The following STAG1 variants were observed in gnomAD, a reference collection of about 807,000 sequenced individuals.
STAG1 encodes STAG1 cohesin complex component.
STAG1 carries 26 observed loss-of-function variants against 170.9 expected under a neutral mutation model. That is an observed-to-expected ratio of 0.15 (90% CI 0.11 to 0.21). STAG1 has a LOEUF of 0.21. STAG1 is among the 10% of genes least tolerant of loss of function. The probability of loss-of-function intolerance (pLI) is 1.00; values close to 1 mark genes in which losing one functional copy is unlikely to be tolerated. For synonymous variants in STAG1, 514 were observed against 497.7 expected, an observed-to-expected ratio of 1.03 and a Z score of -0.44; for missense variants, 964 against 1,509.5, an observed-to-expected ratio of 0.64 and a Z score of 5.99.
At chr3:136,607,013 G>T (rs1018370866) in intron 3 of STAG1, among the ~76,000 whole-genome samples, 4 of 152,038 alleles carry the variant, frequency 2.6e-5, no homozygotes, top group African/African-American at 9.7e-5. Flanking sequence ...GACTCCCAAA[G>T]TGCTGGGATT....
intron 1 of STAG1, among the ~76,000 whole-genome samples, chr3:136,632,062 T>C (rs940925855): frequency 2.6e-5 from 4 of 152,094 alleles, no homozygotes; most frequent in African/African-American, 9.7e-5. Flanking sequence ...TCAGTCTTCC[T>C]AATGGAAACT....
At chr3:136,736,901 TC>T in intron 1 of STAG1, 1 of 1,588,302 alleles carries the variant, frequency 6.3e-7, no homozygotes. Context: ...AGGGTCCTCT[TC>T]TTTTGCTCCT....
At chr3:136,751,298 G>T (rs530120295) in intron 1 of STAG1, among the ~76,000 whole-genome samples, 20 of 152,040 alleles carry the variant, frequency 1.3e-4, no homozygotes, top group Admixed American at 4.6e-4. Context: ...TGGGTAGATG[G>T]GGGTGACGTG....
At chr3:136,551,966 AATACTTC>A (rs1175003142) in intron 5 of STAG1, among the ~76,000 whole-genome samples, 6 of 152,032 alleles carry the variant, frequency 3.9e-5, no homozygotes, top group Non-Finnish European at 4.4e-5. Flanking sequence ...ATTAAGGCAA[AATACTTC>A]ATATTCCAAT....
intron 14 of STAG1, among the ~76,000 whole-genome samples, chr3:136,443,694 GT>G (rs2088696270): frequency 6.6e-6 from 1 of 152,166 alleles, no homozygotes. Context: ...ATTTTCTGAA[GT>G]TATATGCTGG....
chr3:136,361,407 C>T (rs544483582), intron 26 of STAG1, among the ~76,000 whole-genome samples: 1 of 152,264 alleles, frequency 6.6e-6, no homozygotes, highest in East Asian at 1.9e-4. Flanking sequence ...TTGGTACACA[C>T]CTGTGCATAT....
intron 10 of STAG1, among the ~76,000 whole-genome samples, chr3:136,476,496 G>C (rs921164056): frequency 6.6e-6 from 1 of 152,180 alleles, no homozygotes; most frequent in Non-Finnish European, 1.5e-5. Flanking sequence ...GCAAACAAAA[G>C]TATTACGTAA....
intron 15 of STAG1, 99 bp from the exon 16 acceptor site, chr3:136,433,758 A>C (rs890398917): frequency 1.2e-6 from 1 of 807,588 alleles, no homozygotes; most frequent in African/African-American, 1.8e-5. Flanking sequence ...ACATTCTATT[A>C]CTGCTTATTT....
At chr3:136,368,118 T>C (rs536786137) in intron 24 of STAG1, among the ~76,000 whole-genome samples, 3 of 152,254 alleles carry the variant, frequency 2.0e-5, no homozygotes, top group Non-Finnish European at 4.4e-5. Context: ...TTAAGACAAG[T>C]AGCAGGTAAA....
At chr3:136,523,086 T>C (rs1011655926) in intron 6 of STAG1, among the ~76,000 whole-genome samples, 1 of 152,198 alleles carries the variant, frequency 6.6e-6, no homozygotes, top group African/African-American at 2.4e-5. Context: ...AGATACCCAG[T>C]AAGGGGATGG....
chr3:136,748,442 G>T (rs1935061873), intron 1 of STAG1, among the ~76,000 whole-genome samples: 1 of 151,894 alleles, frequency 6.6e-6, no homozygotes, highest in Admixed American at 6.6e-5. Context: ...TGTCACCCAG[G>T]CTGGAGTGCA....
intron 9 of STAG1, among the ~76,000 whole-genome samples, chr3:136,487,002 A>AAAAAAACAAAACAAAAC (rs2090029250): frequency 2.2e-4 from 1 of 4,612 alleles, no homozygotes; most frequent in African/African-American, 5.1e-4. Context: ...ATTTCTTCAA[A>AAAAAAACAAAACAAAAC]AAAAAAAAAA....
chr3:136,691,017 G>A (rs1386155390), intron 1 of STAG1, among the ~76,000 whole-genome samples: 1 of 151,760 alleles, frequency 6.6e-6, no homozygotes, highest in African/African-American at 2.4e-5. Flanking sequence ...AAGACAGTTG[G>A]CTGGGCATGG....
At chr3:136,583,545 C>G (rs1442281933) in intron 4 of STAG1, among the ~76,000 whole-genome samples, 2 of 152,068 alleles carry the variant, frequency 1.3e-5, no homozygotes, top group Non-Finnish European at 2.9e-5. Flanking sequence ...TCCTAGCACT[C>G]TGGGAGGCCA....
In STAG1 at chr3:136,503,892, C is replaced by T. The variant is rs559657245; in HGVS notation, c.677-1113G>A. On this transcript the variant is annotated intron_variant, in intron 7 of 33. Coordinates refer to ENST00000383202, the MANE Select transcript of STAG1 (RefSeq NM_005862.3). ...CTGGGATTACAGACATGCACCACCA[C>T]GCCCAGCTAATTACTGTATTTTTTA... Among the ~76,000 whole-genome samples the T allele has an allele frequency of 1.2e-3, 183 of 152,158 alleles. 2 individuals are homozygous for T. The South Asian group carries it at 0.033, about 27-fold the overall frequency.
At chr3:136,608,256 C>T (rs1045218599) in intron 3 of STAG1, among the ~76,000 whole-genome samples, 2 of 144,782 alleles carry the variant, frequency 1.4e-5, no homozygotes, top group African/African-American at 5.1e-5. Context: ...AAGACTCCAT[C>T]TCAAAAAAAA....
intron 3 of STAG1, 135 bp from the exon 4 acceptor site, chr3:136,604,608 G>A (rs1938843819): frequency 1.1e-5 from 8 of 752,012 alleles, no homozygotes; most frequent in East Asian, 2.9e-5. Context: ...TCAAAAAAGT[G>A]CAAAGAGCAA....
intron 1 of STAG1, among the ~76,000 whole-genome samples, chr3:136,746,742 A>T (rs1432074546): frequency 6.6e-6 from 1 of 152,180 alleles, no homozygotes; most frequent in East Asian, 1.9e-4. Context: ...TGAGGTCAGG[A>T]GTTCGAGACC....
chr3:136,740,377 T>C (rs923755330), intron 1 of STAG1, among the ~76,000 whole-genome samples: 1 of 152,232 alleles, frequency 6.6e-6, no homozygotes, highest in Non-Finnish European at 1.5e-5. Context: ...CAAGCCTCAG[T>C]TCCTCACCAG....
Sources: gnomAD v4.1 joint callset for allele counts (sites outside exome capture counted in the v4.1 genomes callset) on GRCh38, gnomAD v4.1.1 for gene constraint, MANE v1.5 for transcripts, NCBI Gene and HGNC (gene_info 2026-07-23, HGNC 2026-07-21) for gene names.